GATAD2B: variants seen among roughly 807,000 people sequenced by gnomAD.
The protein encoded by GATAD2B is transcriptional repressor p66-beta.
In GATAD2B, 8 loss-of-function variants were observed where a neutral mutation model predicts 64.3. The observed-to-expected ratio is 0.12, with a 90% confidence interval of 0.07 to 0.22. The LOEUF is 0.22. Ranked by LOEUF, GATAD2B falls within the 10% of genes least tolerant of loss-of-function variation. The probability of loss-of-function intolerance (pLI) is 1.00; values close to 1 mark genes in which losing one functional copy is unlikely to be tolerated. For missense variants in GATAD2B, 453 were observed against 752.0 expected, an observed-to-expected ratio of 0.60 and a Z score of 4.65; for synonymous variants, 281 against 271.3, an observed-to-expected ratio of 1.04 and a Z score of -0.35.
chr1:153,913,530 C>A (rs1678166382), intron 1 of GATAD2B, among the ~76,000 whole-genome samples: 2 of 152,316 alleles, frequency 1.3e-5, no homozygotes, highest in South Asian at 4.1e-4. Context: ...TGGGAATGCA[C>A]TGAAGGTGAA....
rs939838947 is a variant in GATAD2B at position 153,805,939 on chromosome 1, G to A, written c.*4238C>T. 6.6e-6 allele frequency: 1 copy of A among 152,136 alleles called. No homozygotes were observed. 9.4% of individuals were successfully genotyped at this position (152,136 alleles called of 1,614,324 possible). On this transcript the variant is annotated 3_prime_UTR_variant, in exon 11 of 11. Coordinates refer to ENST00000368655, the MANE Select transcript of GATAD2B (RefSeq NM_020699.4). ...TCACGCAGCCTAAGGCTGTGCAGAT[G>A]GATGTGGCTCTCACTAGGTGAAATT... is the stretch of plus-strand genomic sequence containing the variant.
chr1:153,874,529 T>C (rs1676764930), intron 1 of GATAD2B, among the ~76,000 whole-genome samples: 1 of 152,194 alleles, frequency 6.6e-6, no homozygotes, highest in Non-Finnish European at 1.5e-5. Context: ...CTAGTCCATG[T>C]AAGTCTAGTC....
At chr1:153,850,629 T>C (rs1255826890) in intron 1 of GATAD2B, among the ~76,000 whole-genome samples, 4 of 152,042 alleles carry the variant, frequency 2.6e-5, no homozygotes, top group East Asian at 3.9e-4. Context: ...TTTTAAAAAA[T>C]TGTTTGTTGG....
In GATAD2B at chr1:153,881,065, C is replaced by G. The variant is rs568807105; in HGVS notation, c.-2+41668G>C. On this transcript the variant is annotated intron_variant, in intron 1 of 10. Transcript: ENST00000368655. ...CTCCTTGTCCATCAGCCCAAGCAAGCAGAGATGACGCAGACTTCCTTATAT... is the reference window on the plus strand; with the variant it reads ...CTCCTTGTCCATCAGCCCAAGCAAGGAGAGATGACGCAGACTTCCTTATAT... Among the ~76,000 whole-genome samples the G allele has an allele frequency of 1.6e-4, 25 of 152,160 alleles. No homozygotes were observed. The East Asian group carries it at 4.8e-3, about 29-fold the overall frequency.
At chr1:153,850,961 CACTT>C (rs1341625270) in intron 1 of GATAD2B, among the ~76,000 whole-genome samples, 1 of 150,700 alleles carries the variant, frequency 6.6e-6, no homozygotes, top group Non-Finnish European at 1.5e-5. Flanking sequence ...GTGGTAAAAA[CACTT>C]AACACAAGAT....
intron 1 of GATAD2B, among the ~76,000 whole-genome samples, chr1:153,867,339 G>C (rs1676512176): frequency 6.6e-6 from 1 of 152,134 alleles, no homozygotes; most frequent in Non-Finnish European, 1.5e-5. Flanking sequence ...CAGGAGGTTA[G>C]AAATAAATTT....
At chr1:153,918,822 G>A (rs1234251544) in intron 1 of GATAD2B, among the ~76,000 whole-genome samples, 2 of 152,116 alleles carry the variant, frequency 1.3e-5, no homozygotes. Flanking sequence ...ATGGTGACAG[G>A]TGACTGTAAT....
chr1:153,865,493 T>C (rs1486102945), intron 1 of GATAD2B, among the ~76,000 whole-genome samples: 6 of 152,056 alleles, frequency 3.9e-5, no homozygotes, highest in Non-Finnish European at 8.8e-5. Flanking sequence ...AATCTACATC[T>C]AATTCTAATG....
intron 1 of GATAD2B, among the ~76,000 whole-genome samples, chr1:153,830,916 C>T (rs1004750767): frequency 2.0e-5 from 3 of 152,086 alleles, no homozygotes; most frequent in Non-Finnish European, 4.4e-5. Context: ...TAGCTAGAGA[C>T]GCGTGCCACC....
chr1:153,847,376 G>C (rs1284373477), intron 1 of GATAD2B, among the ~76,000 whole-genome samples: 2 of 152,116 alleles, frequency 1.3e-5, no homozygotes, highest in Non-Finnish European at 2.9e-5. Flanking sequence ...CACTTCTGTA[G>C]ATAAGTAAAA....
At chr1:153,829,367 C>T (rs1674996965) in intron 1 of GATAD2B, among the ~76,000 whole-genome samples, 2 of 152,126 alleles carry the variant, frequency 1.3e-5, no homozygotes, top group African/African-American at 4.8e-5. Context: ...TTATGTTAAC[C>T]AGGTCAAATA....
At chr1:153,897,775 T>C (rs956205752) in intron 1 of GATAD2B, among the ~76,000 whole-genome samples, 2 of 152,104 alleles carry the variant, frequency 1.3e-5, no homozygotes, top group African/African-American at 4.8e-5. Flanking sequence ...GGCCAATATA[T>C]TTAAAAAAAT....
At chr1:153,884,034 C>T (rs538638989) in intron 1 of GATAD2B, among the ~76,000 whole-genome samples, 2 of 152,032 alleles carry the variant, frequency 1.3e-5, no homozygotes, top group African/African-American at 4.8e-5. Context: ...TGGTGGCTCA[C>T]GCCTATAATC....
intron 1 of GATAD2B, among the ~76,000 whole-genome samples, chr1:153,899,386 T>C (rs1047223211): frequency 2.0e-5 from 3 of 152,064 alleles, no homozygotes; most frequent in African/African-American, 7.2e-5. Context: ...GTGGCCAACA[T>C]AGTGAAACCC....
chr1:153,819,886 G>A (rs1271187223), intron 2 of GATAD2B, 151 bp from the exon 3 acceptor site: 3 of 536,042 alleles, frequency 5.6e-6, no homozygotes, highest in Non-Finnish European at 9.6e-6. Context: ...AACACCTGGG[G>A]TCAGGAGTTC....
chr1:153,876,260 A>AAAAAAAAAC (rs1676831211), intron 1 of GATAD2B, among the ~76,000 whole-genome samples: 1 of 139,328 alleles, frequency 7.2e-6, no homozygotes, highest in Non-Finnish European at 1.6e-5. Context: ...AAAAAAAAAA[A>AAAAAAAAAC]GATTTCACAG....
In GATAD2B at chr1:153,816,727, T is replaced by C. The variant is rs1674493772; in HGVS notation, c.901-139A>G. Reference sequence around the variant, plus strand: ...AAATAGGAGGTGGTCAACTTATTTATTGAAAAAGAACTCTGACACATAGGA... The same window carrying C: ...AAATAGGAGGTGGTCAACTTATTTACTGAAAAAGAACTCTGACACATAGGA... On this transcript the variant is annotated intron_variant, in intron 6 of 10. Coordinates refer to ENST00000368655, the MANE Select transcript of GATAD2B (RefSeq NM_020699.4). The surrounding 1 kb of genome is among the most constrained non-coding windows in gnomAD (Gnocchi z 4.9). 1.1e-5 allele frequency: 7 copies of C among 608,896 alleles called. No individual in the cohort carries two copies. The East Asian group carries it at 1.4e-4, about 12-fold the overall frequency. The allele number at this position is 608,896 out of a possible 1,614,324, so 37.7% of individuals were successfully genotyped here.
intron 1 of GATAD2B, among the ~76,000 whole-genome samples, chr1:153,889,518 G>A (rs1005598874): frequency 6.6e-6 from 1 of 151,364 alleles, no homozygotes; most frequent in Non-Finnish European, 1.5e-5. Flanking sequence ...CTCAAACTTG[G>A]TAGACTTGTG....
chr1:153,830,717 C>T (rs1359868299), intron 1 of GATAD2B, among the ~76,000 whole-genome samples: 2 of 147,932 alleles, frequency 1.4e-5, no homozygotes, highest in African/African-American at 2.5e-5. Flanking sequence ...CCTCGTGATC[C>T]GCCCGCCTCG....
Sources: gnomAD v4.1 joint callset for allele counts (sites outside exome capture counted in the v4.1 genomes callset) on GRCh38, gnomAD v4.1.1 for gene constraint, Gnocchi (gnomAD v3.1) non-coding constraint, MANE v1.5 for transcripts, NCBI Gene and HGNC (gene_info 2026-07-23, HGNC 2026-07-21) for gene names.